Variants in ALMS1 observed in about 807,000 individuals in gnomAD.
ALMS1 encodes the protein ALMS1 centrosome and basal body associated protein.
A neutral mutation model predicts 352.2 loss-of-function variants in ALMS1; 271 were observed. The observed-to-expected ratio is 0.77, with a 90% CI of 0.70 to 0.85. ALMS1 has a LOEUF of 0.85. Among genes scored for constraint, ALMS1 ranks in the 40% least tolerant of loss-of-function variants. The pLI is 0.00. For synonymous variants in ALMS1, 1,865 were observed against 1,761.2 expected, an observed-to-expected ratio of 1.06 and a Z score of -1.48; for missense variants, 5,445 against 4,870.7, an observed-to-expected ratio of 1.12 and a Z score of -3.51.
At chr2:73,581,501 C>A (rs576574648) in intron 16 of ALMS1, among the ~76,000 whole-genome samples, 1 of 152,334 alleles carries the variant, frequency 6.6e-6, no homozygotes, top group South Asian at 2.1e-4. Flanking sequence ...TAAAATGCTA[C>A]AAAGTTCTTC....
chr2:73,408,488 T>C (rs1671014154), intron 1 of ALMS1, 134 bp from the exon 2 acceptor site: 13 of 1,024,258 alleles, frequency 1.3e-5, no homozygotes, highest in Non-Finnish European at 1.9e-5. Context: ...TGTATAATGG[T>C]TGTGAAATCA....
chr2:73,511,098 G>A lies in ALMS1; in HGVS notation c.9540-8677G>A, dbSNP rs558616894. ...GCTCTGCTGGCAGTCAGAATTTCAG[G>A]CCAGTCGATCTTAGCTTGCTGGACT... On this transcript the variant is annotated intron_variant, in intron 10 of 22. Transcript: ENST00000613296. 5.3e-5 allele frequency among the ~76,000 whole-genome samples: 8 copies of A among 152,286 alleles called. No homozygotes were observed. In the South Asian group the frequency reaches 1.7e-3, roughly 32 times the overall value.
At chr2:73,558,862 T>G (rs1674597158) in intron 14 of ALMS1, 110 bp from the exon 15 acceptor site, 1 of 1,199,570 alleles carries the variant, frequency 8.3e-7, no homozygotes, top group African/African-American at 1.5e-5. Flanking sequence ...GTCATCTTTT[T>G]TCTTCAATAT....
Position 73,572,969 on chromosome 2 carries a change from C to T in ALMS1, c.11092C>T (p.Leu3698Phe), listed in dbSNP as rs1435050358. Reference protein sequence around the residue: ...NTGELKKSKVLSHHRAGRSNQ... With the variant: ...NTGELKKSKVFSHHRAGRSNQ... ...AGGCGAGCTTAAAAAAAGCAAGGTG[C>T]TTTCTCATCATCGAGCTGGGAGGTC... The change falls in exon 16 of 23, where the codon CTT becomes TTT. Residue 3698 changes from leucine to phenylalanine, a missense_variant. By Grantham distance (22) the Leu-to-Phe change is conservative. Coordinates refer to ENST00000613296, the MANE Select transcript of ALMS1 (RefSeq NM_001378454.1). The T allele has an allele frequency of 3.1e-6, 5 of 1,613,950 alleles. No homozygotes were observed. The highest frequency in any genetic ancestry group is 4.2e-6 in the Non-Finnish European group (5 of 1,180,010).
intron 12 of ALMS1, among the ~76,000 whole-genome samples, chr2:73,540,419 C>T (rs568755866): frequency 6.6e-6 from 1 of 152,104 alleles, no homozygotes; most frequent in South Asian, 2.1e-4. Flanking sequence ...AAAAACATGC[C>T]AAATTGTAAA....
intron 16 of ALMS1, 147 bp downstream of exon 16, chr2:73,573,571 T>A: frequency 1.2e-6 from 1 of 807,244 alleles, no homozygotes; most frequent in Non-Finnish European, 2.1e-6. Context: ...TGAGAAAGTG[T>A]AGTACAGTGC....
rs140620662 is a variant in ALMS1 at position 73,557,120 on chromosome 2, A to C, written c.10079-100A>C. 904 of 1,535,216 alleles carry C rather than the reference A, an allele frequency of 5.9e-4. 7 individuals are homozygous for C. In the African/African-American group the frequency reaches 8.6e-3, roughly 15 times the overall value. On this transcript the variant is annotated intron_variant, in intron 13 of 22. Transcript: ENST00000613296. ...AGAGGTACTTTTTTCCTAATATGTA[A>C]ATGGGTTTGGGGTTTTGTTTGTAAT...
Position 73,448,823 on chromosome 2 carries a change from C to A in ALMS1, c.2296C>A (p.Gln766Lys), listed in dbSNP as rs377000488. Reference sequence around the variant, plus strand: ...AGCAGTACAGTCTAGTTCTTACTCACAAAGAGAAAAGCCTAGTATTTTGTA... The same window carrying A: ...AGCAGTACAGTCTAGTTCTTACTCAAAAAGAGAAAAGCCTAGTATTTTGTA... ...IPAVQSSSYSQREKPSILYPQ... is the reference protein window; with the variant it reads ...IPAVQSSSYSKREKPSILYPQ... The change falls in exon 8 of 23, where the codon CAA becomes AAA. Residue 766 changes from glutamine to lysine, a missense_variant. Transcript: ENST00000613296. The A allele has an allele frequency of 2.9e-5, 46 of 1,613,864 alleles. No individual in the cohort carries two copies. Among genetic ancestry groups the A allele is most frequent in the Admixed American group, 3.3e-5 (2 of 59,982 alleles).
chr2:73,489,756 A>G lies in ALMS1; in HGVS notation c.7797A>G (p.Arg2599=), dbSNP rs1672934978. 2 of 1,614,138 alleles carry G rather than the reference A, an allele frequency of 1.2e-6. No homozygotes were observed. The highest frequency in any genetic ancestry group is 2.2e-5 in the East Asian group (1 of 44,886). The change falls in exon 10 of 23, where the codon AGA becomes AGG. Residue 2599 remains arginine, a synonymous_variant. Transcript: ENST00000613296. The part of the protein sequence containing the change: ...TLTSEHPQLD[R]HPCAFRSAGP... The stretch of plus-strand genomic sequence containing the variant: ...CTTCTGAACATCCACAACTAGATAG[A>G]CACCCTTGTGCTTTCAGATCTGCTG...
chr2:73,398,617 C>T (rs1367397163), intron 1 of ALMS1, among the ~76,000 whole-genome samples: 7 of 152,020 alleles, frequency 4.6e-5, no homozygotes, highest in African/African-American at 1.2e-4. Context: ...TTTCATTCAT[C>T]GAGTTTTATA....
At chr2:73,480,757 T>A (rs1203166866) in intron 9 of ALMS1, among the ~76,000 whole-genome samples, 2 of 151,216 alleles carry the variant, frequency 1.3e-5, no homozygotes, top group Admixed American at 1.3e-4. Flanking sequence ...GACTTTTTAA[T>A]GATTGCCATT....
intron 15 of ALMS1, among the ~76,000 whole-genome samples, chr2:73,563,736 AAAAAT>A (rs1674716281): frequency 7.5e-6 from 1 of 133,330 alleles, no homozygotes; most frequent in East Asian, 2.0e-4. Flanking sequence ...AAAAAAAAAA[AAAAAT>A]AAAAATAAAA....
chr2:73,544,514 T>TA (rs780049430), intron 12 of ALMS1, among the ~76,000 whole-genome samples: 8 of 151,878 alleles, frequency 5.3e-5, no homozygotes, highest in Non-Finnish European at 1.0e-4. Flanking sequence ...TAAAGTATAG[T>TA]AAAAAAATAA....
At chr2:73,549,459 A>C (rs1438037121) in intron 12 of ALMS1, among the ~76,000 whole-genome samples, 1 of 152,166 alleles carries the variant, frequency 6.6e-6, no homozygotes, top group African/African-American at 2.4e-5. Context: ...GCACTGGTGA[A>C]TTTTGTCCCA....
rs377039331 is a variant in ALMS1 at position 73,474,371 on chromosome 2, CTG to C, written c.7675-15225_7675-15224del. Among the ~76,000 whole-genome samples, 336 of 95,542 alleles carry C rather than the reference CTG, an allele frequency of 3.5e-3. 4 individuals are homozygous for C. The highest frequency in any genetic ancestry group is 0.01 in the East Asian group (32 of 3,164). 62.7% of individuals were successfully genotyped at this position (95,542 alleles called of 152,430 possible). ...TTTTACTTTTTAGTGCTTGTTGACT[CTG>C]TGTGTGTGTGTGTGTGTGTGTGTGT... On this transcript the variant is annotated intron_variant, in intron 9 of 22. Coordinates refer to ENST00000613296, the MANE Select transcript of ALMS1 (RefSeq NM_001378454.1).
intron 9 of ALMS1, among the ~76,000 whole-genome samples, chr2:73,464,408 GA>G: frequency 6.6e-6 from 1 of 152,268 alleles, no homozygotes; most frequent in South Asian, 2.1e-4. Context: ...CTTCATGCTA[GA>G]AACTCTCAAT....
chr2:73,450,093 C>T lies in ALMS1; in HGVS notation c.3566C>T (p.Ser1189Phe), dbSNP rs769652886. 5 of 1,613,924 alleles carry T rather than the reference C, an allele frequency of 3.1e-6. No individual in the cohort carries two copies. The highest frequency in any genetic ancestry group is 2.5e-6 in the Non-Finnish European group (3 of 1,179,970). ...NQKTWIPRVL[S>F]TFYSQREKPG... ...AAGACTTGGATACCAAGAGTACTTTCTACCTTCTACTCACAAAGAGAGAAA... is the reference window on the plus strand; with the variant it reads ...AAGACTTGGATACCAAGAGTACTTTTTACCTTCTACTCACAAAGAGAGAAA... The change falls in exon 8 of 23, where the codon TCT becomes TTT. Residue 1189 changes from serine (S) to phenylalanine (F), a missense_variant. Ser to Phe is a radical substitution (Grantham distance 155). Transcript: ENST00000613296.
intron 10 of ALMS1, among the ~76,000 whole-genome samples, chr2:73,508,778 T>G (rs1192012853): frequency 6.6e-6 from 1 of 152,152 alleles, no homozygotes; most frequent in Non-Finnish European, 1.5e-5. Context: ...AATATCCTTG[T>G]TAATTTTCTG....
intron 13 of ALMS1, 53 bp downstream of exon 13, chr2:73,550,490 A>G: frequency 2.5e-6 from 4 of 1,590,642 alleles, no homozygotes; most frequent in Non-Finnish European, 3.4e-6. Context: ...TTTTCATCCT[A>G]AATGAGATTA....
Sources: allele counts gnomAD v4.1 joint callset (sites outside exome capture counted in the v4.1 genomes callset), GRCh38; gene constraint gnomAD v4.1.1; transcripts MANE v1.5; gene names NCBI Gene and HGNC (gene_info 2026-07-23, HGNC 2026-07-21).